Variants in LRRC74A observed in about 807,000 individuals in gnomAD.
LRRC74A encodes the protein leucine-rich repeat-containing protein 74A.
Under a neutral mutation model 57.9 loss-of-function variants are expected in LRRC74A, and 44 were observed. The ratio of observed to expected loss-of-function variants is 0.76; its 90% CI spans 0.60 to 0.98. The LOEUF is 0.98. Among genes scored for constraint, LRRC74A ranks in the 50% least tolerant of loss-of-function variants. The pLI is 0.00. For synonymous variants in LRRC74A, 211 were observed against 219.4 expected (o/e 0.96, Z 0.34); for missense variants, 572 against 574.0 (o/e 1.00, Z 0.04).
intron 7 of LRRC74A, among the ~76,000 whole-genome samples, chr14:76,845,715 A>C (rs903819239): frequency 6.6e-6 from 1 of 152,236 alleles, no homozygotes; most frequent in African/African-American, 2.4e-5. Flanking sequence ...CACAACCATG[A>C]ACAACCTTAA....
intron 11 of LRRC74A, among the ~76,000 whole-genome samples, chr14:76,863,185 AGTGTGTGTGTGTGT>A (rs112669509): frequency 6.9e-6 from 1 of 145,206 alleles, no homozygotes; most frequent in Non-Finnish European, 1.5e-5. Context: ...CATGCATGTG[AGTGTGTGTGTGTGT>A]GTGTGTGTGT....
At chr14:76,835,738 A>G (rs998583423) in intron 3 of LRRC74A, among the ~76,000 whole-genome samples, 1 of 152,174 alleles carries the variant, frequency 6.6e-6, no homozygotes, top group African/African-American at 2.4e-5. Flanking sequence ...AAATAAATGA[A>G]TACAAATTAA....
chr14:76,850,861 A>AAAAAAAAAAAAAAAAAAAAAAG (rs773711469), intron 7 of LRRC74A, among the ~76,000 whole-genome samples: 2 of 96,536 alleles, frequency 2.1e-5, no homozygotes, highest in Non-Finnish European at 4.2e-5. Context: ...AAAAAAAAAA[A>AAAAAAAAAAAAAAAAAAAAAAG]AAAGAAAGAA....
chr14:76,864,131 A>C (rs1207140944), intron 11 of LRRC74A, among the ~76,000 whole-genome samples: 3 of 152,212 alleles, frequency 2.0e-5, no homozygotes, highest in African/African-American at 7.2e-5. Flanking sequence ...AGCGCTCAGC[A>C]GCAGTGTGCT....
chr14:76,854,568 T>C (rs961784485), intron 9 of LRRC74A, among the ~76,000 whole-genome samples: 5 of 152,108 alleles, frequency 3.3e-5, no homozygotes, highest in African/African-American at 1.2e-4. Flanking sequence ...ACCATGCCAC[T>C]GCACTCCAGC....
rs1323181939 is a variant in LRRC74A, at chr14:76,852,380, T to C, written c.692T>C (p.Leu231Pro). Residue 231 changes from leucine (L) to proline (P), a missense_variant, in exon 8 of 14, where the codon CTC (leucine) becomes CCC (proline). Transcript: ENST00000689127. Reference sequence around the variant, plus strand: ...CCTGTTTCAGCCATCAACGTGGGGCTCACGTCACTGGATCTGAGCTGGAAT... The same window carrying C: ...CCTGTTTCAGCCATCAACGTGGGGCCCACGTCACTGGATCTGAGCTGGAAT... ...LGQMLAINVGLTSLDLSWNNF... is the reference protein window; with the variant it reads ...LGQMLAINVGPTSLDLSWNNF... 6.2e-7 allele frequency: 1 copy of C among 1,611,624 alleles called. No homozygotes were observed. Among genetic ancestry groups the C allele is most frequent in the Non-Finnish European group, 8.5e-7 (1 of 1,178,540 alleles).
chr14:76,828,202 G>T (rs1372348056), intron 1 of LRRC74A, 89 bp from the exon 2 acceptor site: 4 of 1,484,962 alleles, frequency 2.7e-6, no homozygotes, highest in Non-Finnish European at 3.6e-6. Context: ...GAGGAAGGGA[G>T]CAGAGATGGA....
chr14:76,860,632 G>C, intron 10 of LRRC74A, 61 bp from the exon 11 acceptor site: 1 of 1,478,844 alleles, frequency 6.8e-7, no homozygotes, highest in Admixed American at 1.9e-5. Context: ...AGGGTGCACT[G>C]GTTGGGCAGG....
intron 5 of LRRC74A, among the ~76,000 whole-genome samples, chr14:76,838,469 T>C (rs946927366): frequency 2.8e-4 from 42 of 150,084 alleles, no homozygotes; most frequent in African/African-American, 1.0e-3. Flanking sequence ...GTGGAAAACA[T>C]TTTATCTATC....
intron 3 of LRRC74A, among the ~76,000 whole-genome samples, chr14:76,831,802 G>A (rs1339791873): frequency 1.3e-5 from 2 of 152,086 alleles, no homozygotes; most frequent in African/African-American, 4.8e-5. Context: ...TCTGCCTTGT[G>A]CAACATTATA....
chr14:76,828,396 C>T lies in LRRC74A; in HGVS notation c.143C>T (p.Ser48Leu). The change falls in exon 2 of 14, where the codon TCG becomes TTG. Residue 48 changes from serine (S) to leucine (L), a missense_variant. Transcript: ENST00000689127. The stretch of plus-strand genomic sequence containing the variant: ...AAAGTGAAACCAGCCCGGGAGAATT[C>T]GGAAACAGACCTGGAGATTGAAGGC... ...VEKVKPARENSETDLEIEDDE... is the reference protein window; with the variant it reads ...VEKVKPARENLETDLEIEDDE... 4.3e-6 allele frequency: 7 copies of T among 1,613,954 alleles called. No individual in the cohort carries two copies. Among genetic ancestry groups the T allele is most frequent in the Non-Finnish European group, 5.1e-6 (6 of 1,179,866 alleles).
At chr14:76,836,818 C>G (rs900820437) in intron 4 of LRRC74A, among the ~76,000 whole-genome samples, 31 of 145,034 alleles carry the variant, frequency 2.1e-4, no homozygotes, top group Admixed American at 5.6e-4. Context: ...AAAGAAACCA[C>G]TTCTGTCTGG....
At chr14:76,843,153 A>G (rs1180877666) in intron 5 of LRRC74A, among the ~76,000 whole-genome samples, 1 of 151,976 alleles carries the variant, frequency 6.6e-6, no homozygotes, top group Non-Finnish European at 1.5e-5. Context: ...GTGGTGGTGC[A>G]CAACCTGTAA....
intron 9 of LRRC74A, among the ~76,000 whole-genome samples, chr14:76,856,916 T>G (rs184677584): frequency 1.3e-5 from 2 of 148,930 alleles, no homozygotes; most frequent in African/African-American, 5.0e-5. Flanking sequence ...GATGGGTGGG[T>G]GAGTGGATGG....
At chr14:76,852,160 G>C (rs764718376) in intron 7 of LRRC74A, among the ~76,000 whole-genome samples, 1 of 152,164 alleles carries the variant, frequency 6.6e-6, no homozygotes. Context: ...ATGTAAGGAG[G>C]ATTATTTCAC....
At chr14:76,831,153 G>C in intron 2 of LRRC74A, 50 bp from the exon 3 acceptor site, 4 of 1,588,804 alleles carry the variant, frequency 2.5e-6, no homozygotes, top group East Asian at 2.2e-5. Context: ...AGAGGGGAGA[G>C]AAGGCAAAGG....
chr14:76,845,300 G>A (rs1897048672), intron 7 of LRRC74A, among the ~76,000 whole-genome samples: 2 of 151,466 alleles, frequency 1.3e-5, no homozygotes, highest in South Asian at 2.1e-4. Flanking sequence ...CTGCAGCCTG[G>A]GCAACAGAGA....
chr14:76,866,213 A>C, intron 12 of LRRC74A, 138 bp downstream of exon 12: 4 of 670,360 alleles, frequency 6.0e-6, no homozygotes, highest in Non-Finnish European at 1.1e-5. Flanking sequence ...GCTATGGGAC[A>C]CTCCCCTCAT....
At chr14:76,831,454 C>A in intron 3 of LRRC74A, 79 bp downstream of exon 3, 1 of 1,497,300 alleles carries the variant, frequency 6.7e-7, no homozygotes, top group Non-Finnish European at 9.2e-7. Flanking sequence ...ATTCAGAGGG[C>A]CCCTCCTATG....
Sources: allele counts gnomAD v4.1 joint callset (sites outside exome capture counted in the v4.1 genomes callset), GRCh38; gene constraint gnomAD v4.1.1; transcripts MANE v1.5; gene names NCBI Gene and HGNC (gene_info 2026-07-23, HGNC 2026-07-21).